RSF1: variants seen among roughly 807,000 people sequenced by gnomAD.
RSF1 encodes the protein HBV pX-associated protein 8.
In RSF1, 13 loss-of-function variants were observed where a neutral mutation model predicts 145.2. The observed-to-expected ratio is 0.09, with a 90% CI of 0.06 to 0.14. The LOEUF (loss-of-function observed/expected upper bound fraction) is 0.14, where lower values mean the gene tolerates loss of function less well. Ranked by LOEUF, RSF1 falls within the 10% of genes least tolerant of loss-of-function variation. The probability of loss-of-function intolerance (pLI) is 1.00; values close to 1 mark genes in which losing one functional copy is unlikely to be tolerated. For missense variants in RSF1, 1,517 were observed against 1,718.2 expected (o/e 0.88, Z 2.07); for synonymous variants, 577 against 592.6 (o/e 0.97, Z 0.38).
rs569269531 is a variant in RSF1, at chr11:77,749,146, T to C, written c.280-2018A>G. 3.9e-5 allele frequency among the ~76,000 whole-genome samples: 6 copies of C among 152,120 alleles called. No individual in the cohort carries two copies. The South Asian group carries it at 1.0e-3, about 26-fold the overall frequency. On this transcript the variant is annotated intron_variant, in intron 2 of 15. Transcript: ENST00000308488. ...AAGTAGATTAGCAGTTCCCAGTGGG[T>C]AGGGGAAGGAAGGAATGGGAAGTGA... is the stretch of plus-strand genomic sequence containing the variant.
At position 77,734,343 on chromosome 11, in the gene RSF1, T is replaced by G. The variant is rs552054387; in HGVS notation, c.578+6388A>C. 297 of 568,834 alleles carry G rather than the reference T, an allele frequency of 5.2e-4. 1 individual carries two copies. In the South Asian group the frequency reaches 6.7e-3, roughly 13 times the overall value. The allele number at this position is 568,834 out of a possible 1,614,324, so 35.2% of individuals were successfully genotyped here. On this transcript the variant is annotated intron_variant, in intron 4 of 15. Transcript: ENST00000308488. Reference sequence around the variant, plus strand: ...TACCAAATTTCTTCATCTGAAGGAATGGCACAAATCAAAGAACTTAGGTGG... The same window carrying G: ...TACCAAATTTCTTCATCTGAAGGAAGGGCACAAATCAAAGAACTTAGGTGG...
At chr11:77,704,971 G>A (rs1227614748) in intron 5 of RSF1, among the ~76,000 whole-genome samples, 1 of 151,970 alleles carries the variant, frequency 6.6e-6, no homozygotes, top group African/African-American at 2.4e-5. Context: ...GGCGGGTCTC[G>A]AACTCCTGAC....
chr11:77,725,659 C>T lies in RSF1; in HGVS notation c.619G>A (p.Ala207Thr). ...TTCAATAGTACAGGATCAATTTGTG[C>T]TTTCAGGAGTGCAAGAGTCTCAGCC... The part of the protein sequence containing the change: ...ELAETLALLK[A>T]QIDPVLLKNS... Residue 207 changes from alanine to threonine, a missense_variant, in exon 5 of 16, where the codon GCA (alanine) becomes ACA (threonine). Ala to Thr is a moderately conservative substitution (Grantham distance 58, BLOSUM62 0). Transcript: ENST00000308488. 1 of 1,603,036 alleles carries T rather than the reference C, an allele frequency of 6.2e-7. No individual in the cohort carries two copies. Among genetic ancestry groups the T allele is most frequent in the East Asian group, 2.3e-5 (1 of 44,306 alleles).
intron 1 of RSF1, among the ~76,000 whole-genome samples, chr11:77,800,680 C>T (rs1035234138): frequency 1.3e-5 from 2 of 151,618 alleles, no homozygotes; most frequent in Non-Finnish European, 2.9e-5. Flanking sequence ...CTGGGCAACA[C>T]AGCAAGACAC....
chr11:77,693,563 G>A lies in RSF1; in HGVS notation c.2764C>T (p.Arg922Cys), dbSNP rs771791885. 4 of 1,613,846 alleles carry A rather than the reference G, an allele frequency of 2.5e-6. No individual in the cohort carries two copies. Among genetic ancestry groups the A allele is most frequent in the African/African-American group, 2.7e-5 (2 of 74,914 alleles). Residue 922 changes from arginine to cysteine, a missense_variant, in exon 8 of 16, where the codon CGC becomes TGC. Physicochemically the swap from Arg to Cys is radical, Grantham distance 180. Around this residue, in one of 12 missense-constraint regions of RSF1, gnomAD observed 29 missense variants for 102.3 expected, o/e 0.28. Coordinates refer to ENST00000308488, the MANE Select transcript of RSF1 (RefSeq NM_016578.4). ...TCTGGGATGATCATCAGAGGAGGGC[G>A]AAGGCAGGCAGTATGGTATCCACTA... ...CDSGYHTACLRPPLMIIPDGE... is the reference protein window; with the variant it reads ...CDSGYHTACLCPPLMIIPDGE...
intron 1 of RSF1, among the ~76,000 whole-genome samples, chr11:77,808,573 G>A (rs1343862108): frequency 1.2e-4 from 9 of 73,632 alleles, no homozygotes; most frequent in African/African-American, 4.6e-4. Flanking sequence ...TCGCTCTGTC[G>A]CCCAGGCTGG....
chr11:77,770,527 T>C (rs569553722), intron 1 of RSF1, among the ~76,000 whole-genome samples: 9 of 152,290 alleles, frequency 5.9e-5, no homozygotes, highest in Middle Eastern at 3.4e-3. Context: ...CTCATTACCA[T>C]TGTGGAAAAA....
intron 1 of RSF1, among the ~76,000 whole-genome samples, chr11:77,801,024 GAATT>G (rs1169731462): frequency 6.6e-6 from 1 of 150,740 alleles, no homozygotes; most frequent in African/African-American, 2.4e-5. Flanking sequence ...AAAAAAAAAA[GAATT>G]AATTCCAATC....
At chr11:77,729,092 GT>G (rs1961132889) in intron 4 of RSF1, among the ~76,000 whole-genome samples, 1 of 152,166 alleles carries the variant, frequency 6.6e-6, no homozygotes. Context: ...AGCACTCTCT[GT>G]AGTCCCACTC....
At chr11:77,868,958 A>T in the RSF1 span, 4 of 266,266 alleles carry the variant, frequency 1.5e-5, no homozygotes, top group African/African-American at 9.1e-5. Context: ...CCTGTAACTT[A>T]TTTGTTTACA....
intron 4 of RSF1, among the ~76,000 whole-genome samples, chr11:77,728,819 G>A (rs1274686660): frequency 6.6e-6 from 1 of 151,368 alleles, no homozygotes; most frequent in Non-Finnish European, 1.5e-5. Context: ...TTTTTAGGGT[G>A]AGAAAAATAT....
At chr11:77,788,401 G>A (rs1185976913) in intron 1 of RSF1, among the ~76,000 whole-genome samples, 1 of 148,292 alleles carries the variant, frequency 6.7e-6, no homozygotes, top group African/African-American at 2.5e-5. Context: ...TGTTGAGTGA[G>A]ATAAGGTTAA....
chr11:77,663,237 C>T lies in RSF1; in HGVS notation c.*3680G>A, dbSNP rs1201526829. ...AAAGGGTTAACATCTCTTATGCCCA[C>T]AAACAAGCTAAAAAAGCATTCCTTG... is the stretch of plus-strand genomic sequence containing the variant. On this transcript the variant is annotated 3_prime_UTR_variant, in exon 16 of 16. Coordinates refer to ENST00000308488, the MANE Select transcript of RSF1 (RefSeq NM_016578.4). 1 of 152,140 alleles carries T rather than the reference C, an allele frequency of 6.6e-6. No homozygotes were observed. Among genetic ancestry groups the T allele is most frequent in the African/African-American group, 2.4e-5 (1 of 41,446 alleles). The allele number at this position is 152,140 out of a possible 1,614,324, so 9.4% of individuals were successfully genotyped here.
intron 7 of RSF1, among the ~76,000 whole-genome samples, chr11:77,695,799 T>C (rs1960264406): frequency 6.6e-6 from 1 of 152,230 alleles, no homozygotes; most frequent in Non-Finnish European, 1.5e-5. Flanking sequence ...CGCTAAGATA[T>C]ATATGTATGG....
the RSF1 span, among the ~76,000 whole-genome samples, chr11:77,840,186 CTG>C: frequency 6.6e-6 from 1 of 152,078 alleles, no homozygotes; most frequent in African/African-American, 2.4e-5. Context: ...AACTAGGTAT[CTG>C]GGGTTCATGG....
rs573808294 is a variant in RSF1, at chr11:77,781,643, A to G, written c.188-16954T>C. ...AACACTTGAGGTGTCAGTCATTTTT[A>G]AAGAATGTTTTTTTCTTTGTTGGAT... On this transcript the variant is annotated intron_variant, in intron 1 of 15. Coordinates refer to ENST00000308488, the MANE Select transcript of RSF1 (RefSeq NM_016578.4). Among the ~76,000 whole-genome samples the G allele has an allele frequency of 3.9e-5, 6 of 152,332 alleles. No individual in the cohort carries two copies. In the South Asian group the frequency reaches 1.2e-3, roughly 32 times the overall value.
the RSF1 span, among the ~76,000 whole-genome samples, chr11:77,837,221 C>T: frequency 1.3e-5 from 2 of 151,674 alleles, no homozygotes; most frequent in South Asian, 4.2e-4. Context: ...CTGCAACCTC[C>T]ACCTCCCAGG....
intron 5 of RSF1, among the ~76,000 whole-genome samples, chr11:77,707,863 C>T (rs1960587343): frequency 6.6e-6 from 1 of 152,154 alleles, no homozygotes; most frequent in Admixed American, 6.5e-5. Flanking sequence ...AAATAAAACT[C>T]ATTTTTCATG....
intron 2 of RSF1, among the ~76,000 whole-genome samples, chr11:77,752,921 A>C (rs1454402827): frequency 6.6e-6 from 1 of 152,142 alleles, no homozygotes; most frequent in Non-Finnish European, 1.5e-5. Flanking sequence ...CACAAGAATG[A>C]CCTATGGTTG....
Sources: gnomAD v4.1 joint callset for allele counts (sites outside exome capture counted in the v4.1 genomes callset) on GRCh38, gnomAD v4.1.1 for gene constraint, gnomAD v4.1.1 regional missense constraint, MANE v1.5 for transcripts, NCBI Gene and HGNC (gene_info 2026-07-23, HGNC 2026-07-21) for gene names.